Variants in FERRY3 observed in about 807,000 individuals in gnomAD.
FERRY3 encodes the protein FERRY endosomal RAB5 effector complex subunit 3.
chr12:4,494,433 T>C, the FERRY3 span, among the ~76,000 whole-genome samples: 12 of 152,252 alleles, frequency 7.9e-5, no homozygotes, highest in African/African-American at 2.9e-4. Context: ...GGATTTTCTT[T>C]TATGTTTTCC....
At chr12:4,529,917 G>A in the FERRY3 span, 1 of 1,612,766 alleles carries the variant, frequency 6.2e-7, no homozygotes, top group Non-Finnish European at 8.5e-7. Flanking sequence ...AATCAGTTCT[G>A]AGATACTAAC....
chr12:4,497,770 A>T, the FERRY3 span, among the ~76,000 whole-genome samples: 19 of 152,270 alleles, frequency 1.2e-4, no homozygotes, highest in Non-Finnish European at 2.2e-4. Flanking sequence ...TTCTTTTTAA[A>T]CTGCAATTAA....
chr12:4,512,021 G>C, the FERRY3 span, among the ~76,000 whole-genome samples: 1 of 121,612 alleles, frequency 8.2e-6, no homozygotes, highest in Admixed American at 8.6e-5. Context: ...AAAGAGAGAA[G>C]AATCAAATAG....
At chr12:4,536,513 A>G in the FERRY3 span, among the ~76,000 whole-genome samples, 2 of 152,248 alleles carry the variant, frequency 1.3e-5, no homozygotes, top group Admixed American at 1.3e-4. Flanking sequence ...GACCATGGAG[A>G]GAAGAGCAGA....
At chr12:4,489,774 T>C in the FERRY3 span, 1 of 1,466,632 alleles carries the variant, frequency 6.8e-7, no homozygotes, top group Admixed American at 1.8e-5. Flanking sequence ...AGTTTAACAA[T>C]CATCTTCTGC....
chr12:4,490,758 A>G, the FERRY3 span, among the ~76,000 whole-genome samples: 1 of 152,184 alleles, frequency 6.6e-6, no homozygotes, highest in African/African-American at 2.4e-5. Context: ...AATGTTTGCA[A>G]TTCCTAATTC....
the FERRY3 span, among the ~76,000 whole-genome samples, chr12:4,537,211 ACT>A: frequency 3.3e-5 from 5 of 152,134 alleles, no homozygotes; most frequent in Admixed American, 3.3e-4. Context: ...TGCCTAGAGC[ACT>A]CTTACTGATC....
At chr12:4,516,890 C>A in the FERRY3 span, among the ~76,000 whole-genome samples, 2 of 151,996 alleles carry the variant, frequency 1.3e-5, no homozygotes, top group African/African-American at 4.8e-5. Context: ...CCCCAAAAAA[C>A]CAAAAATACA....
the FERRY3 span, among the ~76,000 whole-genome samples, chr12:4,528,972 C>A: frequency 2.0e-5 from 3 of 150,764 alleles, no homozygotes; most frequent in Non-Finnish European, 4.5e-5. Context: ...TATACTCTCA[C>A]AATCAAAGCA....
At chr12:4,528,917 A>C in the FERRY3 span, among the ~76,000 whole-genome samples, 1,258 of 149,606 alleles carry the variant, frequency 8.4e-3, 16 homozygotes, top group African/African-American at 0.029. Flanking sequence ...ACACACACAC[A>C]CACACACACA....
At chr12:4,489,847 A>C in the FERRY3 span, 1 of 1,611,500 alleles carries the variant, frequency 6.2e-7, no homozygotes, top group Non-Finnish European at 8.5e-7. Context: ...TGATACTCGG[A>C]AGATCTGGGG....
the FERRY3 span, among the ~76,000 whole-genome samples, chr12:4,516,649 G>C: frequency 1.7e-4 from 26 of 152,178 alleles, no homozygotes; most frequent in Non-Finnish European, 2.9e-4. Flanking sequence ...TTATAAATGG[G>C]AGCTGAATGA....
chr12:4,528,914 C>A, the FERRY3 span, among the ~76,000 whole-genome samples: 3 of 139,404 alleles, frequency 2.2e-5, no homozygotes, highest in African/African-American at 3.2e-5. Flanking sequence ...CACACACACA[C>A]ACACACACAC....
At chr12:4,515,109 T>C in the FERRY3 span, among the ~76,000 whole-genome samples, 1 of 152,092 alleles carries the variant, frequency 6.6e-6, no homozygotes, top group East Asian at 1.9e-4. Flanking sequence ...AAAATAAACT[T>C]TCATTTTTCA....
chr12:4,501,623 A>C, the FERRY3 span, among the ~76,000 whole-genome samples: 7 of 152,168 alleles, frequency 4.6e-5, no homozygotes, highest in South Asian at 1.4e-3. Context: ...ATGAGATTCT[A>C]ATGCCTGATG....
At chr12:4,496,922 A>AT in the FERRY3 span, among the ~76,000 whole-genome samples, 4 of 152,176 alleles carry the variant, frequency 2.6e-5, no homozygotes, top group Non-Finnish European at 5.9e-5. Flanking sequence ...TTTATTTCTT[A>AT]TTTTTCGCAT....
chr12:4,533,825 T>C, the FERRY3 span, among the ~76,000 whole-genome samples: 1 of 152,238 alleles, frequency 6.6e-6, no homozygotes, highest in Admixed American at 6.5e-5. Flanking sequence ...ATATGTTCCA[T>C]GTAATATGTT....
At chr12:4,497,263 C>T in the FERRY3 span, among the ~76,000 whole-genome samples, 21 of 152,070 alleles carry the variant, frequency 1.4e-4, no homozygotes, top group African/African-American at 3.6e-4. Flanking sequence ...TAATATTGAA[C>T]GAAAGAAGCC....
chr12:4,491,978 G>A, the FERRY3 span, among the ~76,000 whole-genome samples: 2 of 152,288 alleles, frequency 1.3e-5, no homozygotes, highest in South Asian at 4.1e-4. Flanking sequence ...TACTTGAGAG[G>A]TTGAAGCAGG....
Sources: allele counts gnomAD v4.1 joint callset (sites outside exome capture counted in the v4.1 genomes callset), GRCh38; gene constraint gnomAD v4.1.1; transcripts MANE v1.5; gene names NCBI Gene and HGNC (gene_info 2026-07-23, HGNC 2026-07-21).